The following NADSYN1 variants were observed in gnomAD, a reference collection of about 807,000 sequenced individuals.
NADSYN1 encodes NAD synthetase 1, also known as glutamine-dependent NAD(+) synthetase.
Under a neutral mutation model 99.3 loss-of-function variants are expected in NADSYN1, and 80 were observed. The ratio of observed to expected loss-of-function variants is 0.81; its 90% CI spans 0.67 to 0.97. The LOEUF is 0.97. NADSYN1 is among the 50% of genes least tolerant of loss of function. The pLI, the probability that NADSYN1 is intolerant of heterozygous loss-of-function variation, is 0.00. For missense variants in NADSYN1, 859 were observed against 948.5 expected, an observed-to-expected ratio of 0.91 and a Z score of 1.24; for synonymous variants, 385 against 372.1, an observed-to-expected ratio of 1.03 and a Z score of -0.40.
At chr11:71,471,595 C>T (rs1377432466) in intron 5 of NADSYN1, among the ~76,000 whole-genome samples, 5 of 152,144 alleles carry the variant, frequency 3.3e-5, no homozygotes, top group South Asian at 2.1e-4. Flanking sequence ...GATGTTTGGA[C>T]GGTTCCTGCA....
intron 3 of NADSYN1, among the ~76,000 whole-genome samples, chr11:71,459,350 G>A (rs997824552): frequency 6.6e-6 from 1 of 151,098 alleles, no homozygotes; most frequent in Non-Finnish European, 1.5e-5. Flanking sequence ...CCCCTATGGA[G>A]GCCTCTGCTC....
chr11:71,481,986 T>C lies in NADSYN1; in HGVS notation c.1111T>C (p.Ser371Pro), dbSNP rs1485070796. The change falls in exon 13 of 21, where the codon TCC becomes CCC. Residue 371 changes from serine (S) to proline (P), a missense_variant. Ser to Pro is a moderately conservative substitution (Grantham distance 74). Coordinates refer to ENST00000319023, the MANE Select transcript of NADSYN1 (RefSeq NM_018161.5). ...CGCAGCCACCGCCTGCCTCATCTAC[T>C]CCATGTGCTGCCAGGTCTGCGAGGC... ...DSAATACLIY[S>P]MCCQVCEAVR... 6.2e-7 allele frequency: 1 copy of C among 1,612,270 alleles called. No homozygotes were observed. Among genetic ancestry groups the C allele is most frequent in the Non-Finnish European group, 8.5e-7 (1 of 1,179,288 alleles).
chr11:71,494,680 G>A (rs759036092), intron 18 of NADSYN1, among the ~76,000 whole-genome samples: 5 of 152,032 alleles, frequency 3.3e-5, no homozygotes, highest in East Asian at 3.9e-4. Context: ...TCAGCCTCCC[G>A]AGTAGCTGGG....
chr11:71,458,706 C>T (rs987932183), intron 3 of NADSYN1, 162 bp downstream of exon 3: 17 of 588,978 alleles, frequency 2.9e-5, no homozygotes, highest in East Asian at 1.1e-4. Context: ...ATCTCAGCCC[C>T]GTAAGCCACC....
At chr11:71,488,284 A>G (rs1365170205) in intron 16 of NADSYN1, among the ~76,000 whole-genome samples, 5 of 151,774 alleles carry the variant, frequency 3.3e-5, no homozygotes, top group Non-Finnish European at 7.4e-5. Flanking sequence ...GTATTGTAGG[A>G]AACGTCCGCC....
chr11:71,501,136 G>A (rs570353513), intron 20 of NADSYN1, among the ~76,000 whole-genome samples, 166 bp from the exon 21 acceptor site: 75 of 152,224 alleles, frequency 4.9e-4, no homozygotes, highest in Non-Finnish European at 9.3e-4. Context: ...ATCTGGACCC[G>A]CCCCTCCAGG....
rs372338562 is a variant in NADSYN1 at position 71,464,090 on chromosome 11, A to C, written c.355A>C (p.Asn119His). ...CATCAGACCCAAGATGGCCTTGGCC[A>C]ATGAAGGCAACTACCGCGAGCTGCG... ...LLIRPKMALA[N>H]EGNYRELRWF... Residue 119 changes from asparagine to histidine, a missense_variant, in exon 5 of 21, where the codon AAT becomes CAT. Asn to His is a moderately conservative substitution (Grantham distance 68, BLOSUM62 1). Coordinates refer to ENST00000319023, the MANE Select transcript of NADSYN1 (RefSeq NM_018161.5). 8.1e-6 allele frequency: 13 copies of C among 1,612,814 alleles called. No individual in the cohort carries two copies. In the Admixed American group the frequency reaches 2.2e-4, roughly 27 times the overall value.
intron 9 of NADSYN1, chr11:71,476,211 C>T (rs1206270858): frequency 4.8e-6 from 2 of 419,318 alleles, no homozygotes; most frequent in South Asian, 1.7e-5. Flanking sequence ...CATTGCCTGA[C>T]TCGTCTTTGG....
intron 10 of NADSYN1, chr11:71,480,334 C>T (rs916748152): frequency 3.3e-5 from 6 of 183,380 alleles, no homozygotes; most frequent in Admixed American, 1.1e-4. Context: ...CCACCATGCC[C>T]GGCTAATTTT....
intron 14 of NADSYN1, among the ~76,000 whole-genome samples, chr11:71,483,523 A>G (rs986220822): frequency 6.6e-6 from 1 of 152,098 alleles, no homozygotes; most frequent in African/African-American, 2.4e-5. Context: ...GCAGTTCTCT[A>G]TGTGAGGACA....
chr11:71,490,639 C>T (rs531239208), intron 16 of NADSYN1, among the ~76,000 whole-genome samples: 6 of 152,322 alleles, frequency 3.9e-5, no homozygotes, highest in Admixed American at 2.0e-4. Context: ...CCATCCCCGG[C>T]GTCTCCTCTG....
intron 20 of NADSYN1, among the ~76,000 whole-genome samples, chr11:71,500,945 C>G (rs955388408): frequency 2.6e-5 from 4 of 152,158 alleles, no homozygotes; most frequent in Non-Finnish European, 4.4e-5. Flanking sequence ...CCAGCTCTGG[C>G]CTCTGTAGTG....
intron 15 of NADSYN1, 76 bp from the exon 16 acceptor site, chr11:71,485,466 C>G: frequency 1.7e-6 from 2 of 1,145,574 alleles, no homozygotes; most frequent in Non-Finnish European, 2.5e-6. Context: ...TTCTTGTTTT[C>G]AAGAGTTTGT....
chr11:71,483,043 A>G, intron 14 of NADSYN1, 26 bp downstream of exon 14: 3 of 1,610,742 alleles, frequency 1.9e-6, no homozygotes, highest in Non-Finnish European at 2.5e-6. Context: ...GGTATTGGGC[A>G]TGGCAGGTGG....
rs1439844155 is a variant in NADSYN1, at chr11:71,480,832, C to T, written c.951C>T (p.Ile317=). The change falls in exon 11 of 21, where the codon ATC becomes ATT. Residue 317 remains isoleucine, a synonymous_variant. Coordinates refer to ENST00000319023, the MANE Select transcript of NADSYN1 (RefSeq NM_018161.5). ...LSCHEDLLAP[I]SEPIEWKYHS... Reference sequence around the variant, plus strand: ...GCCACGAGGACTTGCTGGCACCCATCTCTGAGCCCATCGAGTGGAAATACC... The same window carrying T: ...GCCACGAGGACTTGCTGGCACCCATTTCTGAGCCCATCGAGTGGAAATACC... The T allele has an allele frequency of 1.2e-6, 2 of 1,614,216 alleles. No homozygotes were observed. Among genetic ancestry groups the T allele is most frequent in the African/African-American group, 1.3e-5 (1 of 75,060 alleles).
chr11:71,464,358 G>C, intron 5 of NADSYN1: 1 of 497,212 alleles, frequency 2.0e-6, no homozygotes, highest in Non-Finnish European at 3.6e-6. Context: ...CACAGGGTGG[G>C]AGCAGCCCCG....
intron 2 of NADSYN1, among the ~76,000 whole-genome samples, chr11:71,457,646 C>T (rs1949522391): frequency 6.6e-6 from 1 of 152,200 alleles, no homozygotes; most frequent in Non-Finnish European, 1.5e-5. Flanking sequence ...AGGATGGCAG[C>T]AGCGTCTGGC....
At chr11:71,469,337 T>A (rs1232972229) in intron 5 of NADSYN1, among the ~76,000 whole-genome samples, 1 of 152,138 alleles carries the variant, frequency 6.6e-6, no homozygotes, top group South Asian at 2.1e-4. Context: ...CTGGGCGTTG[T>A]GGTGTGCACC....
chr11:71,492,739 G>GA (rs1335123701), intron 18 of NADSYN1, among the ~76,000 whole-genome samples: 16 of 151,996 alleles, frequency 1.1e-4, no homozygotes, highest in Admixed American at 2.0e-4. Context: ...AATCTCTGGA[G>GA]AAAAAAAAGC....
Sources: gnomAD v4.1 joint callset for allele counts (sites outside exome capture counted in the v4.1 genomes callset) on GRCh38, gnomAD v4.1.1 for gene constraint, MANE v1.5 for transcripts, NCBI Gene and HGNC (gene_info 2026-07-23, HGNC 2026-07-21) for gene names.